ADRA1A: variants seen among roughly 807,000 people sequenced by gnomAD.
The protein encoded by ADRA1A is alpha-1A adrenergic receptor.
Under a neutral mutation model 29.6 loss-of-function variants are expected in ADRA1A, and 31 were observed. That is an observed-to-expected ratio of 1.05 (90% CI 0.79 to 1.41). The LOEUF (loss-of-function observed/expected upper bound fraction) is 1.41, where lower values mean the gene tolerates loss of function less well. ADRA1A is among the 40% of genes most tolerant of loss of function. ADRA1A has a pLI of 0.00. For synonymous variants in ADRA1A, 311 were observed against 254.3 expected, an observed-to-expected ratio of 1.22 and a Z score of -2.12; for missense variants, 619 against 601.1, an observed-to-expected ratio of 1.03 and a Z score of -0.31.
rs1414951231 is a variant in ADRA1A at position 26,775,698 on chromosome 8, T to C, written c.884-5032A>G. ...ATCCCCACAGCCTAAGGATTCTTCC[T>C]GTCACTGAGTTTCTTTCCACCATTT... On this transcript the variant is annotated intron_variant, in intron 2 of 2. Coordinates refer to ENST00000380573, the MANE Select transcript of ADRA1A (RefSeq NM_000680.4). The surrounding 1 kb of genome is among the most constrained non-coding windows in gnomAD (Gnocchi z 4.1). Among the ~76,000 whole-genome samples, 1 of 152,234 alleles carries C rather than the reference T, an allele frequency of 6.6e-6. No individual in the cohort carries two copies. Among genetic ancestry groups the C allele is most frequent in the Non-Finnish European group, 1.5e-5 (1 of 68,042 alleles).
intron 2 of ADRA1A, among the ~76,000 whole-genome samples, chr8:26,828,726 C>CTTGAAATA (rs1287789157): frequency 6.6e-6 from 1 of 152,016 alleles, no homozygotes; most frequent in Non-Finnish European, 1.5e-5. Flanking sequence ...AATGAAGTCA[C>CTTGAAATA]AGGGTGAATA....
Position 26,864,377 on chromosome 8 carries a change from G to T in ADRA1A, c.593C>A (p.Ala198Asp). Residue 198 changes from alanine (A) to aspartate (D), a missense_variant, in exon 2 of 3, where the codon GCC becomes GAC. By Grantham distance (126) the Ala-to-Asp change is moderately radical (BLOSUM62 -2). Coordinates refer to ENST00000380573, the MANE Select transcript of ADRA1A (RefSeq NM_000680.4). This position sits in a 1 kb window ranked among gnomAD's most constrained non-coding sequence, Gnocchi z 8.1. Reference sequence around the variant, plus strand: ...GCGGCAGTACATGACCAGGATGATGGCCAGAGGCAGGTAGAAGGAGCCCAG... The same window carrying T: ...GCGGCAGTACATGACCAGGATGATGTCCAGAGGCAGGTAGAAGGAGCCCAG... Reference protein sequence around the residue: ...SALGSFYLPLAIILVMYCRVY... With the variant: ...SALGSFYLPLDIILVMYCRVY... 6.2e-7 allele frequency: 1 copy of T among 1,613,856 alleles called. No homozygotes were observed.
At chr8:26,752,217 T>A (rs62492164), downstream of ADRA1A, among the ~76,000 whole-genome samples, 11,139 of 152,252 alleles carry the variant, frequency 0.073, 417 homozygotes, top group Middle Eastern at 0.11. Flanking sequence ...TTAACAATTT[T>A]CTTATTGTGT....
chr8:26,847,445 G>A (rs1301739668), intron 2 of ADRA1A, among the ~76,000 whole-genome samples: 3 of 152,026 alleles, frequency 2.0e-5, no homozygotes, highest in Non-Finnish European at 4.4e-5. Flanking sequence ...TTGTTCTTTA[G>A]TAATTTCCAA....
downstream of ADRA1A, chr8:26,766,238 T>C (rs749627801): frequency 2.9e-5 from 26 of 909,466 alleles, no homozygotes; most frequent in Non-Finnish European, 4.5e-5. Context: ...AGGGATGTAC[T>C]TCCCAAAAGT....
chr8:26,774,955 G>T (rs567834833), intron 2 of ADRA1A, among the ~76,000 whole-genome samples: 4 of 152,232 alleles, frequency 2.6e-5, no homozygotes, highest in African/African-American at 7.2e-5. Context: ...TTTTAGGGTG[G>T]GAAGACAGCT....
chr8:26,799,319 G>A (rs1025593307), intron 2 of ADRA1A, among the ~76,000 whole-genome samples: 2 of 152,190 alleles, frequency 1.3e-5, no homozygotes, highest in Non-Finnish European at 1.5e-5. Flanking sequence ...GAGAAGTTGT[G>A]CCCTAATGAA....
At chr8:26,820,618 A>G (rs989520985) in intron 2 of ADRA1A, among the ~76,000 whole-genome samples, 1 of 151,964 alleles carries the variant, frequency 6.6e-6, no homozygotes, top group African/African-American at 2.4e-5. Context: ...TGCACCTTAC[A>G]CTTTCTCACC....
chr8:26,764,151 G>C (rs563075548), downstream of ADRA1A, among the ~76,000 whole-genome samples: 151 of 152,242 alleles, frequency 9.9e-4, 2 homozygotes, highest in African/African-American at 3.5e-3. Context: ...TGCTGCTGCT[G>C]ATGACCAGTG....
intron 2 of ADRA1A, among the ~76,000 whole-genome samples, chr8:26,837,495 A>C (rs1273018153): frequency 1.3e-5 from 2 of 152,112 alleles, no homozygotes; most frequent in Non-Finnish European, 2.9e-5. Flanking sequence ...TATTAAAAAC[A>C]CAAAAATTAG....
intron 2 of ADRA1A, among the ~76,000 whole-genome samples, chr8:26,862,938 A>G (rs1813590707): frequency 6.6e-6 from 1 of 152,252 alleles, no homozygotes; most frequent in Non-Finnish European, 1.5e-5. Flanking sequence ...ATTGCAGGAT[A>G]ATTGTGTATA....
Position 26,864,592 on chromosome 8 carries a change from G to C in ADRA1A, c.378C>G (p.Ile126Met), listed in dbSNP as rs375074012. ...GLCIISIDRY[I>M]GVSYPLRYPT... Reference sequence around the variant, plus strand: ...GGTAGCGCAGCGGGTAGCTCACGCCGATGTAGCGGTCGATGGAGATGATGC... The same window carrying C: ...GGTAGCGCAGCGGGTAGCTCACGCCCATGTAGCGGTCGATGGAGATGATGC... The change falls in exon 2 of 3, where the codon ATC becomes ATG. Residue 126 changes from isoleucine (I) to methionine (M), a missense_variant. Coordinates refer to ENST00000380573, the MANE Select transcript of ADRA1A (RefSeq NM_000680.4). The surrounding 1 kb of genome is among the most constrained non-coding windows in gnomAD (Gnocchi z 8.1). 9 of 1,614,030 alleles carry C rather than the reference G, an allele frequency of 5.6e-6. No individual in the cohort carries two copies. Among genetic ancestry groups the C allele is most frequent in the Admixed American group, 5.0e-5 (3 of 60,012 alleles).
At chr8:26,779,340 A>C (rs1233524530) in intron 2 of ADRA1A, 4 of 702,432 alleles carry the variant, frequency 5.7e-6, no homozygotes, top group Admixed American at 2.0e-5. Flanking sequence ...TTCCTTCTCC[A>C]TCACCTCCAA....
rs192354086 is a variant in ADRA1A at position 26,844,807 on chromosome 8, C to T, written c.883+19280G>A. Among the ~76,000 whole-genome samples, 420 of 152,230 alleles carry T rather than the reference C, an allele frequency of 2.8e-3. 1 individual carries two copies. The highest frequency in any genetic ancestry group is 4.0e-3 in the Non-Finnish European group (273 of 68,002). ...ACTCTTAGGAGAAAACATAAGGATA[C>T]ATTTTTGCAACTTTGTCAGGGGTGT... On this transcript the variant is annotated intron_variant, in intron 2 of 2. Coordinates refer to ENST00000380573, the MANE Select transcript of ADRA1A (RefSeq NM_000680.4).
chr8:26,788,558 A>G (rs1452020856), intron 2 of ADRA1A, among the ~76,000 whole-genome samples: 1 of 152,194 alleles, frequency 6.6e-6, no homozygotes, highest in Non-Finnish European at 1.5e-5. Flanking sequence ...GTAATTTATT[A>G]GTAATTTCAA....
chr8:26,756,600 T>A, exon 3 of ADRA1A: 1 of 1,556,616 alleles, frequency 6.4e-7, no homozygotes, highest in Non-Finnish European at 8.7e-7. Context: ...TGTGCCTTAG[T>A]CAGATGGATG....
At chr8:26,751,963 C>G (rs2130149061), downstream of ADRA1A, among the ~76,000 whole-genome samples, 1 of 152,264 alleles carries the variant, frequency 6.6e-6, no homozygotes, top group East Asian at 1.9e-4. Flanking sequence ...CTGTGCACAC[C>G]TCTTCCCAAC....
In ADRA1A at chr8:26,821,334, C is replaced by G. The variant is rs868722759; in HGVS notation, c.883+42753G>C. Among the ~76,000 whole-genome samples, 14 of 152,138 alleles carry G rather than the reference C, an allele frequency of 9.2e-5. No individual in the cohort carries two copies. The highest frequency in any genetic ancestry group is 3.1e-4 in the African/African-American group (13 of 41,444). On this transcript the variant is annotated intron_variant, in intron 2 of 2. Coordinates refer to ENST00000380573, the MANE Select transcript of ADRA1A (RefSeq NM_000680.4). This position sits in a 1 kb window ranked among gnomAD's most constrained non-coding sequence, Gnocchi z 5.6. ...TCTGGTGAGGGCCTCAGGAAGCATA[C>G]AGTCATGGTGGAAGGCTAAGGGAGA...
chr8:26,830,905 T>A (rs1173269971), intron 2 of ADRA1A, among the ~76,000 whole-genome samples: 2 of 151,616 alleles, frequency 1.3e-5, no homozygotes, highest in African/African-American at 2.4e-5. Flanking sequence ...CGGGAGGGAG[T>A]CTTTCTCACC....
Sources: gnomAD v4.1 joint callset for allele counts (sites outside exome capture counted in the v4.1 genomes callset) on GRCh38, gnomAD v4.1.1 for gene constraint, Gnocchi (gnomAD v3.1) non-coding constraint, MANE v1.5 for transcripts, NCBI Gene and HGNC (gene_info 2026-07-23, HGNC 2026-07-21) for gene names.